KIF21A: variants seen among roughly 807,000 people sequenced by gnomAD.
KIF21A encodes kinesin-like protein KIF21A.
Under a neutral mutation model 202.9 loss-of-function variants are expected in KIF21A, and 114 were observed. The ratio of observed to expected loss-of-function variants is 0.56; its 90% CI spans 0.48 to 0.66. The LOEUF is 0.66. KIF21A is among the 30% of genes least tolerant of loss of function. The probability of loss-of-function intolerance (pLI) is 0.00; values close to 1 mark genes in which losing one functional copy is unlikely to be tolerated. For missense variants in KIF21A, 1,677 were observed against 1,994.9 expected (o/e 0.84, Z 3.04); for synonymous variants, 667 against 670.8 (o/e 0.99, Z 0.09).
rs1013415210 is a variant in KIF21A, at chr12:39,311,711, G to A, written c.3960-158C>T. 6 of 710,956 alleles carry A rather than the reference G, an allele frequency of 8.4e-6. No homozygotes were observed. The African/African-American group carries it at 1.1e-4, about 13-fold the overall frequency. The allele number at this position is 710,956 out of a possible 1,614,324, so 44.0% of individuals were successfully genotyped here. A position where few individuals can be genotyped will look rare whatever the true frequency, so the allele number is the denominator to read the frequency against. ...TCTCTTTTAAGCAAAAGGACAAAGT[G>A]TGAAATAATAATAGTGATGGAGTAT... On this transcript the variant is annotated intron_variant, in intron 31 of 37. Transcript: ENST00000361418.
chr12:39,329,544 A>G (rs1946313294), intron 24 of KIF21A, among the ~76,000 whole-genome samples: 2 of 152,038 alleles, frequency 1.3e-5, no homozygotes, highest in Admixed American at 1.3e-4. Context: ...TTAAAGTACA[A>G]TAAAAAAAAG....
At chr12:39,407,547 C>T (rs1418978796) in intron 1 of KIF21A, among the ~76,000 whole-genome samples, 1 of 152,138 alleles carries the variant, frequency 6.6e-6, no homozygotes, top group East Asian at 1.9e-4. Context: ...CCTTACTATG[C>T]TGCCAGAAAT....
chr12:39,435,009 A>G (rs1474582646), intron 1 of KIF21A, among the ~76,000 whole-genome samples: 1 of 152,230 alleles, frequency 6.6e-6, no homozygotes. Flanking sequence ...ACAACTCTCC[A>G]AAGTTGAGAA....
chr12:39,311,422 G>C lies in KIF21A; in HGVS notation c.4091C>G (p.Ser1364Ter). 6.2e-7 allele frequency: 1 copy of C among 1,612,486 alleles called. No individual in the cohort carries two copies. The highest frequency in any genetic ancestry group is 8.5e-7 in the Non-Finnish European group (1 of 1,178,838). The change falls in exon 32 of 38, where the codon TCA becomes TGA. Residue 1364 changes from serine to a stop codon, truncating the protein, a stop_gained. Coordinates refer to ENST00000361418, the MANE Select transcript of KIF21A (RefSeq NM_001173464.2). LOFTEE classifies it high-confidence loss of function. ...DSTDDLLFTG[S>*]KDRTCKVWNL... ...CATTAGATAACTACTAGCACCTTTTGATCCAGTGAAGAGGAGATCATCAGT... is the reference window on the plus strand; with the variant it reads ...CATTAGATAACTACTAGCACCTTTTCATCCAGTGAAGAGGAGATCATCAGT...
At chr12:39,379,136 C>A (rs1469311935) in intron 1 of KIF21A, among the ~76,000 whole-genome samples, 1 of 151,926 alleles carries the variant, frequency 6.6e-6, no homozygotes, top group African/African-American at 2.4e-5. Flanking sequence ...TCGAGACCAC[C>A]CTGGCCAATA....
intron 14 of KIF21A, 116 bp from the exon 15 acceptor site, chr12:39,341,210 T>C (rs555668127): frequency 7.9e-6 from 7 of 883,494 alleles, no homozygotes; most frequent in South Asian, 1.6e-5. Context: ...TTAGTAGTTA[T>C]TAGAAAAATT....
intron 32 of KIF21A, among the ~76,000 whole-genome samples, chr12:39,310,983 C>G (rs1455536781): frequency 6.6e-6 from 1 of 152,030 alleles, no homozygotes; most frequent in African/African-American, 2.4e-5. Flanking sequence ...CAACATGTAT[C>G]TCATTGAGAT....
At position 39,408,406 on chromosome 12, in the gene KIF21A, T is replaced by C. The variant is rs541097202; in HGVS notation, c.44+34521A>G. 4.7e-4 allele frequency among the ~76,000 whole-genome samples: 71 copies of C among 152,242 alleles called. 1 individual carries two copies. The South Asian group carries it at 0.015, about 32-fold the overall frequency. ...CTCAACTGCTGCTCACTTCCTGCTG[T>C]GTGCCTGGTTCCTAGCAGGCCACAG... is the stretch of plus-strand genomic sequence containing the variant. On this transcript the variant is annotated intron_variant, in intron 1 of 37. Transcript: ENST00000361418.
At chr12:39,391,015 T>C (rs1329730321) in intron 1 of KIF21A, among the ~76,000 whole-genome samples, 1 of 152,178 alleles carries the variant, frequency 6.6e-6, no homozygotes, top group Admixed American at 6.5e-5. Flanking sequence ...AACAGTATGA[T>C]TATTATACTT....
chr12:39,335,857 A>C (rs1946917019), intron 17 of KIF21A, among the ~76,000 whole-genome samples: 1 of 152,158 alleles, frequency 6.6e-6, no homozygotes, highest in Non-Finnish European at 1.5e-5. Flanking sequence ...AAAAGAAATA[A>C]ACATAACCAA....
intron 32 of KIF21A, among the ~76,000 whole-genome samples, chr12:39,310,178 C>G (rs1032158768): frequency 2.0e-5 from 3 of 152,092 alleles, no homozygotes; most frequent in Admixed American, 6.5e-5. Context: ...ATTTTTCCCC[C>G]CAAGGGTCAA....
rs529329744 is a variant in KIF21A at position 39,403,777 on chromosome 12, T to C, written c.45-33516A>G. 2.6e-5 allele frequency among the ~76,000 whole-genome samples: 4 copies of C among 152,244 alleles called. No individual in the cohort carries two copies. The South Asian group carries it at 8.3e-4, about 32-fold the overall frequency. Reference sequence around the variant, plus strand: ...TAACTTTCAAAGCTATTAAAATATCTAGAATACTTTCATGTAAGTTTTTAA... The same window carrying C: ...TAACTTTCAAAGCTATTAAAATATCCAGAATACTTTCATGTAAGTTTTTAA... On this transcript the variant is annotated intron_variant, in intron 1 of 37. Coordinates refer to ENST00000361418, the MANE Select transcript of KIF21A (RefSeq NM_001173464.2).
intron 7 of KIF21A, among the ~76,000 whole-genome samples, chr12:39,359,484 A>G (rs1949037009): frequency 6.6e-6 from 1 of 152,190 alleles, no homozygotes; most frequent in Non-Finnish European, 1.5e-5. Flanking sequence ...TAAACATATA[A>G]CACAACATTT....
chr12:39,389,850 C>G (rs1204144470), intron 1 of KIF21A, among the ~76,000 whole-genome samples: 1 of 152,108 alleles, frequency 6.6e-6, no homozygotes, highest in Non-Finnish European at 1.5e-5. Context: ...TTAATGACTA[C>G]ATATTTTGAA....
At chr12:39,437,727 A>T (rs1321953675) in intron 1 of KIF21A, among the ~76,000 whole-genome samples, 1 of 152,234 alleles carries the variant, frequency 6.6e-6, no homozygotes, top group Non-Finnish European at 1.5e-5. Context: ...TCTAAGCTCC[A>T]TGAAAGCAAG....
intron 1 of KIF21A, among the ~76,000 whole-genome samples, chr12:39,381,596 G>A (rs1950620645): frequency 1.3e-5 from 2 of 152,058 alleles, no homozygotes; most frequent in Admixed American, 6.6e-5. Flanking sequence ...ATTAAAATAA[G>A]CCATAATTCT....
At chr12:39,344,557 C>T (rs998621508) in intron 12 of KIF21A, among the ~76,000 whole-genome samples, 1 of 152,124 alleles carries the variant, frequency 6.6e-6, no homozygotes, top group Non-Finnish European at 1.5e-5. Context: ...AACATTTGAC[C>T]CAACATATCG....
At position 39,358,297 on chromosome 12, in the gene KIF21A, T is replaced by G. The variant is rs778081595; in HGVS notation, c.1096A>C (p.Asn366His). Residue 366 changes from asparagine to histidine, a missense_variant, in exon 8 of 38, where the codon AAT (asparagine) becomes CAT (histidine). Asn to His is a moderately conservative substitution (Grantham distance 68). This residue lies in a region of KIF21A where 966 missense variants were observed against 1,180.9 expected (regional missense o/e 0.82). Transcript: ENST00000361418. ...TTATTCTTGATATTTCTAGCTCGAT[T>G]GGCGTATTTCAGGGTGTTTAACGTT... Reference protein sequence around the residue: ...METLNTLKYANRARNIKNKVM... With the variant: ...METLNTLKYAHRARNIKNKVM... The G allele has an allele frequency of 3.1e-6, 5 of 1,614,134 alleles. No individual in the cohort carries two copies. The South Asian group carries it at 3.3e-5, about 11-fold the overall frequency.
chr12:39,366,941 G>A, intron 5 of KIF21A, 89 bp downstream of exon 5: 1 of 1,267,204 alleles, frequency 7.9e-7, no homozygotes, highest in Non-Finnish European at 1.2e-6. Context: ...TAAATGAACT[G>A]AATTTGGCTC....
Sources: allele counts gnomAD v4.1 joint callset (sites outside exome capture counted in the v4.1 genomes callset), GRCh38; gene constraint gnomAD v4.1.1; regional missense constraint gnomAD v4.1.1; transcripts MANE v1.5; gene names NCBI Gene and HGNC (gene_info 2026-07-23, HGNC 2026-07-21).